Variants in CATSPERT observed in about 807,000 individuals in gnomAD.
The protein encoded by CATSPERT is catsper channel auxiliary subunit tau.
At chr2:201,525,850 CA>C in the CATSPERT span, among the ~76,000 whole-genome samples, 2 of 152,062 alleles carry the variant, frequency 1.3e-5, no homozygotes, top group African/African-American at 4.8e-5. Flanking sequence ...TCTATACACA[CA>C]AGCTAGAAAA....
chr2:201,606,929 CA>C, the CATSPERT span, among the ~76,000 whole-genome samples: 1 of 149,498 alleles, frequency 6.7e-6, no homozygotes, highest in East Asian at 1.9e-4. Context: ...TTATGGAGAG[CA>C]GTTAATATAT....
At chr2:201,500,970 C>T in the CATSPERT span, among the ~76,000 whole-genome samples, 3 of 151,906 alleles carry the variant, frequency 2.0e-5, no homozygotes, top group Admixed American at 2.0e-4. Context: ...ACCAATGGGT[C>T]ACAGAAGAAA....
the CATSPERT span, chr2:201,536,003 GAT>G: frequency 6.2e-7 from 1 of 1,612,198 alleles, no homozygotes. Flanking sequence ...GATTTATACA[GAT>G]ACTCCTCAAA....
chr2:201,506,066 G>A, the CATSPERT span, among the ~76,000 whole-genome samples: 1 of 152,194 alleles, frequency 6.6e-6, no homozygotes, highest in South Asian at 2.1e-4. Context: ...AGGAGATCGA[G>A]ACCATCCTGG....
the CATSPERT span, among the ~76,000 whole-genome samples, chr2:201,534,039 AT>A: frequency 7.6e-6 from 1 of 131,254 alleles, no homozygotes; most frequent in Middle Eastern, 3.8e-3. Flanking sequence ...AGATCTGTAT[AT>A]TATCTATCTA....
At chr2:201,491,908 A>G in the CATSPERT span, 1 of 1,536,788 alleles carries the variant, frequency 6.5e-7, no homozygotes, top group Non-Finnish European at 8.7e-7. Context: ...TTCTTTCCTT[A>G]GTTTCTTAAG....
At chr2:201,516,578 G>A in the CATSPERT span, among the ~76,000 whole-genome samples, 1 of 152,146 alleles carries the variant, frequency 6.6e-6, no homozygotes, top group Non-Finnish European at 1.5e-5. Flanking sequence ...AGATTTGGGT[G>A]GGGGCACAGA....
At chr2:201,606,662 G>T in the CATSPERT span, among the ~76,000 whole-genome samples, 1 of 152,138 alleles carries the variant, frequency 6.6e-6, no homozygotes, top group South Asian at 2.1e-4. Context: ...ACTTTGGGAG[G>T]CCGAGGTGGG....
the CATSPERT span, among the ~76,000 whole-genome samples, chr2:201,592,864 TTCTC>T: frequency 2.0e-5 from 3 of 152,234 alleles, no homozygotes; most frequent in East Asian, 1.9e-4. Flanking sequence ...TATTTGATTC[TTCTC>T]TCTTTTTTTC....
the CATSPERT span, among the ~76,000 whole-genome samples, chr2:201,541,594 C>A: frequency 7.8e-6 from 1 of 128,356 alleles, no homozygotes; most frequent in African/African-American, 3.0e-5. Flanking sequence ...TTACAAAAAA[C>A]CCATACATAT....
At chr2:201,532,198 A>G in the CATSPERT span, among the ~76,000 whole-genome samples, 97 of 152,356 alleles carry the variant, frequency 6.4e-4, no homozygotes, top group African/African-American at 2.3e-3. Context: ...TAGAGGTGCC[A>G]TTTATAAGAA....
the CATSPERT span, among the ~76,000 whole-genome samples, chr2:201,505,807 G>C: frequency 2.0e-5 from 3 of 152,026 alleles, no homozygotes; most frequent in Non-Finnish European, 2.9e-5. Context: ...TACTAATGTT[G>C]GTTTCTTAGT....
At chr2:201,522,737 G>A in the CATSPERT span, among the ~76,000 whole-genome samples, 1 of 152,184 alleles carries the variant, frequency 6.6e-6, no homozygotes, top group South Asian at 2.1e-4. Flanking sequence ...GGGTTTAGGT[G>A]CAGGAAAACT....
chr2:201,512,079 G>A, the CATSPERT span, among the ~76,000 whole-genome samples: 4 of 152,104 alleles, frequency 2.6e-5, no homozygotes, highest in African/African-American at 9.6e-5. Context: ...TATATGTTTA[G>A]TGGGTTACAA....
the CATSPERT span, among the ~76,000 whole-genome samples, chr2:201,615,169 T>C: frequency 6.6e-6 from 1 of 152,056 alleles, no homozygotes; most frequent in Non-Finnish European, 1.5e-5. Context: ...TTAACAAGGA[T>C]ATCCAGGAAT....
the CATSPERT span, among the ~76,000 whole-genome samples, chr2:201,565,027 A>G: frequency 3.5e-5 from 5 of 141,836 alleles, no homozygotes; most frequent in Non-Finnish European, 1.6e-5. Flanking sequence ...GAAACAAGAA[A>G]GAGCCTGTGA....
chr2:201,503,760 A>ATT, the CATSPERT span, among the ~76,000 whole-genome samples: 9 of 151,398 alleles, frequency 5.9e-5, no homozygotes, highest in African/African-American at 9.7e-5. Context: ...TGATTGATAA[A>ATT]TTTTTTTTTC....
the CATSPERT span, among the ~76,000 whole-genome samples, chr2:201,599,206 T>C: frequency 6.6e-6 from 1 of 152,178 alleles, no homozygotes; most frequent in Admixed American, 6.5e-5. Flanking sequence ...CATACAGTCA[T>C]ACTTCTGTAA....
chr2:201,547,914 G>A, the CATSPERT span, among the ~76,000 whole-genome samples: 42 of 152,004 alleles, frequency 2.8e-4, 1 homozygote, highest in African/African-American at 8.4e-4. Context: ...ACACAATGGC[G>A]TTATTATCAT....
Sources: allele counts gnomAD v4.1 joint callset (sites outside exome capture counted in the v4.1 genomes callset), GRCh38; gene constraint gnomAD v4.1.1; transcripts MANE v1.5; gene names NCBI Gene and HGNC (gene_info 2026-07-23, HGNC 2026-07-21).